The following PUM2 variants were observed in gnomAD, a reference collection of about 807,000 sequenced individuals.
The protein encoded by PUM2 is pumilio RNA binding family member 2, also known as pumilio homolog 2.
A neutral mutation model predicts 124.5 loss-of-function variants in PUM2; 57 were observed. That is an observed-to-expected ratio of 0.46 (90% CI 0.37 to 0.57). PUM2 has a LOEUF of 0.57. Among genes scored for constraint, PUM2 ranks in the 20% least tolerant of loss-of-function variants. The pLI is 0.00. For missense variants in PUM2, 1,065 were observed against 1,290.6 expected, an observed-to-expected ratio of 0.83 and a Z score of 2.68; for synonymous variants, 460 against 446.1, an observed-to-expected ratio of 1.03 and a Z score of -0.39.
chr2:20,318,372 CAGG>C (rs1323793518), intron 3 of PUM2, among the ~76,000 whole-genome samples, 162 bp downstream of exon 3: 7 of 152,124 alleles, frequency 4.6e-5, no homozygotes, highest in African/African-American at 1.7e-4. Context: ...GAGGCCAAGG[CAGG>C]AGGATTGCAT....
At chr2:20,302,772 A>G (rs1677299193) in intron 7 of PUM2, among the ~76,000 whole-genome samples, 1 of 152,248 alleles carries the variant, frequency 6.6e-6, no homozygotes, top group Non-Finnish European at 1.5e-5. Flanking sequence ...ATATGAAAAG[A>G]AAGAATTTGC....
intron 1 of PUM2, among the ~76,000 whole-genome samples, chr2:20,330,043 C>T (rs1046960725): frequency 6.6e-6 from 1 of 151,616 alleles, no homozygotes; most frequent in East Asian, 1.9e-4. Flanking sequence ...ATTATAAAAA[C>T]CCTGAAAATC....
At position 20,258,292 on chromosome 2, in the gene PUM2, C is replaced by G. The variant is rs1162829723; in HGVS notation, c.2435G>C (p.Gly812Ala). 1.2e-6 allele frequency: 2 copies of G among 1,611,652 alleles called. No homozygotes were observed. The highest frequency in any genetic ancestry group is 1.7e-6 in the Non-Finnish European group (2 of 1,178,450). The change falls in exon 16 of 21, where the codon GGC (glycine) becomes GCC (alanine). Residue 812 changes from glycine to alanine, a missense_variant. Physicochemically the swap from Gly to Ala is moderately conservative, Grantham distance 60 (BLOSUM62 0). This residue lies in a region of PUM2 where 968 missense variants were observed against 1,159.8 expected (regional missense o/e 0.83). Transcript: ENST00000361078. ...HVLPLALQMY[G>A]CRVIQKALES... Reference sequence around the variant, plus strand: ...TAATGCTTTCTGAATAACGCGGCAGCCATACATCTGCAAGGCTAAGGGTAG... The same window carrying G: ...TAATGCTTTCTGAATAACGCGGCAGGCATACATCTGCAAGGCTAAGGGTAG...
At chr2:20,291,083 T>A (rs72787418) in intron 9 of PUM2, among the ~76,000 whole-genome samples, 9,003 of 152,124 alleles carry the variant, frequency 0.059, 355 homozygotes, top group Non-Finnish European at 0.088. Flanking sequence ...TAAAAAATAA[T>A]AATAATAATA....
At chr2:20,329,433 C>T (rs1483386631) in intron 1 of PUM2, among the ~76,000 whole-genome samples, 2 of 125,324 alleles carry the variant, frequency 1.6e-5, no homozygotes, top group Non-Finnish European at 3.2e-5. Flanking sequence ...GCCCCCTCAT[C>T]TCAAAAAAAA....
In PUM2 at chr2:20,336,681, T is replaced by TTGTGTGTGTGTG. The variant is rs113658730; in HGVS notation, c.-18-9315_-18-9304dup. Among the ~76,000 whole-genome samples, 1,128 of 131,566 alleles carry TTGTGTGTGTGTG rather than the reference T, an allele frequency of 8.6e-3. 15 individuals carry two copies. The highest frequency in any genetic ancestry group is 0.016 in the African/African-American group (563 of 34,314). 86.3% of individuals were successfully genotyped at this position (131,566 alleles called of 152,430 possible). On this transcript the variant is annotated intron_variant, in intron 1 of 20. Transcript: ENST00000361078. ...ACAGGTGCCACCAGGCCTGGCTAAT[T>TTGTGTGTGTGTG]TGTGTGTGTGTGTGTGTGTGTGTGT...
chr2:20,259,452 C>T (rs1427308947), intron 15 of PUM2, among the ~76,000 whole-genome samples: 1 of 152,196 alleles, frequency 6.6e-6, no homozygotes, highest in East Asian at 1.9e-4. Context: ...ACCCTTCTTC[C>T]TCTAGGCCCA....
intron 2 of PUM2, among the ~76,000 whole-genome samples, chr2:20,319,356 ATGTT>A (rs1312403260): frequency 6.6e-6 from 1 of 152,208 alleles, no homozygotes; most frequent in Non-Finnish European, 1.5e-5. Flanking sequence ...CAACTTGGAT[ATGTT>A]TGTTTGAGAA....
intron 1 of PUM2, among the ~76,000 whole-genome samples, chr2:20,336,634 C>T (rs545103544): frequency 1.6e-4 from 24 of 151,714 alleles, no homozygotes; most frequent in Admixed American, 7.9e-4. Flanking sequence ...CTCCCAACTC[C>T]GCCTTCTGAG....
At chr2:20,314,042 T>C (rs760914806) in intron 3 of PUM2, among the ~76,000 whole-genome samples, 4 of 151,652 alleles carry the variant, frequency 2.6e-5, no homozygotes, top group East Asian at 1.9e-4. Flanking sequence ...ACTAAGGAGG[T>C]TGATGAGGTG....
At chr2:20,351,309 C>G (rs1480669757), upstream of PUM2, among the ~76,000 whole-genome samples, 1 of 152,198 alleles carries the variant, frequency 6.6e-6, no homozygotes, top group East Asian at 1.9e-4. Context: ...GACGTTAATT[C>G]AGGCCTTTAA....
chr2:20,326,248 C>T (rs929779030), intron 2 of PUM2: 2 of 1,301,302 alleles, frequency 1.5e-6, no homozygotes, highest in East Asian at 5.5e-5. Flanking sequence ...TAAGCTTAAG[C>T]ACCTTAACTC....
chr2:20,343,419 TA>T (rs1270765503), intron 1 of PUM2, among the ~76,000 whole-genome samples: 1 of 151,398 alleles, frequency 6.6e-6, no homozygotes, highest in East Asian at 1.9e-4. Context: ...TGCCTCAAAT[TA>T]AAAAAAAGTT....
chr2:20,305,862 A>G (rs779198221), intron 7 of PUM2, among the ~76,000 whole-genome samples: 5 of 152,226 alleles, frequency 3.3e-5, no homozygotes, highest in African/African-American at 7.2e-5. Flanking sequence ...AAAAATTTTA[A>G]AGCACTCAAA....
intron 9 of PUM2, among the ~76,000 whole-genome samples, chr2:20,293,005 C>T (rs1036535494): frequency 1.3e-5 from 2 of 152,102 alleles, no homozygotes; most frequent in African/African-American, 2.4e-5. Context: ...CAAATAAATT[C>T]GAATTTGTTA....
rs143112517 is a variant in PUM2, at chr2:20,305,915, C to A, written c.883+2063G>T. On this transcript the variant is annotated intron_variant, in intron 7 of 20. Coordinates refer to ENST00000361078, the MANE Select transcript of PUM2 (RefSeq NM_015317.5). ...TGAACAAAAATAAAGACACATCACACCCTGGACAAGAATACTTGATGTCAG... is the reference window on the plus strand; with the variant it reads ...TGAACAAAAATAAAGACACATCACAACCTGGACAAGAATACTTGATGTCAG... Among the ~76,000 whole-genome samples the A allele has an allele frequency of 3.3e-5, 5 of 152,238 alleles. No individual in the cohort carries two copies. In the East Asian group the frequency reaches 9.7e-4, roughly 29 times the overall value.
intron 7 of PUM2, among the ~76,000 whole-genome samples, chr2:20,305,152 G>T (rs894387766): frequency 6.6e-6 from 1 of 152,038 alleles, no homozygotes; most frequent in South Asian, 2.1e-4. Flanking sequence ...TAAAGATTAC[G>T]TAAGTCCAAT....
intron 12 of PUM2, among the ~76,000 whole-genome samples, chr2:20,280,090 TAAG>T (rs1671144922): frequency 2.0e-5 from 3 of 152,018 alleles, no homozygotes; most frequent in Admixed American, 2.0e-4. Flanking sequence ...AGAAAAAAAT[TAAG>T]GAGAGTACAT....
downstream of PUM2, chr2:20,248,715 T>G (rs1662570471): frequency 6.5e-6 from 1 of 152,676 alleles, no homozygotes; most frequent in Non-Finnish European, 1.5e-5. Context: ...GTATTTTATC[T>G]AGAGAAAAAC....
Sources: gnomAD v4.1 joint callset for allele counts (sites outside exome capture counted in the v4.1 genomes callset) on GRCh38, gnomAD v4.1.1 for gene constraint, gnomAD v4.1.1 regional missense constraint, MANE v1.5 for transcripts, NCBI Gene and HGNC (gene_info 2026-07-23, HGNC 2026-07-21) for gene names.